OXNAD1: variants seen among roughly 807,000 people sequenced by gnomAD.
The protein encoded by OXNAD1 is oxidoreductase NAD binding domain containing 1, also known as oxidoreductase NAD-binding domain-containing protein 1.
Under a neutral mutation model 32.9 loss-of-function variants are expected in OXNAD1, and 34 were observed. That is an observed-to-expected ratio of 1.03 (90% CI 0.79 to 1.38). OXNAD1 has a LOEUF of 1.38. Among genes scored for constraint, OXNAD1 ranks in the 40% most tolerant of loss-of-function variants. The pLI is 0.00. For synonymous variants in OXNAD1, 134 were observed against 135.2 expected (o/e 0.99, Z 0.06); for missense variants, 407 against 379.4 (o/e 1.07, Z -0.60).
chr3:16,271,284 A>T lies in OXNAD1; in HGVS notation c.119+213A>T, dbSNP rs1000864825. Reference sequence around the variant, plus strand: ...AGTGGCACGATCTTAGCTCACTGCAACCTCCACCTCCTGGATTCAAGTGAT... The same window carrying T: ...AGTGGCACGATCTTAGCTCACTGCATCCTCCACCTCCTGGATTCAAGTGAT... On this transcript the variant is annotated intron_variant, in intron 3 of 8. Transcript: ENST00000285083. This position sits in a 1 kb window ranked among gnomAD's most constrained non-coding sequence, Gnocchi z 4.6. 6 of 578,484 alleles carry T rather than the reference A, an allele frequency of 1.0e-5. No homozygotes were observed. In the African/African-American group the frequency reaches 1.1e-4, roughly 11 times the overall value. The allele number at this position is 578,484 out of a possible 1,614,324, so 35.8% of individuals were successfully genotyped here.
chr3:16,299,146 T>G lies in OXNAD1; in HGVS notation c.433-2480T>G, dbSNP rs2067005970. 1.3e-5 allele frequency among the ~76,000 whole-genome samples: 2 copies of G among 152,224 alleles called. No individual in the cohort carries two copies. Among genetic ancestry groups the G allele is most frequent in the Non-Finnish European group, 2.9e-5 (2 of 68,036 alleles). On this transcript the variant is annotated intron_variant, in intron 6 of 8. Coordinates refer to ENST00000285083, the MANE Select transcript of OXNAD1 (RefSeq NM_138381.5). This position sits in a 1 kb window ranked among gnomAD's most constrained non-coding sequence, Gnocchi z 4.4. ...CTTTCTTTGTTGTCATTACTAAGCATGCCAAAGATGGCCACTGGAGAAAAT... is the reference window on the plus strand; with the variant it reads ...CTTTCTTTGTTGTCATTACTAAGCAGGCCAAAGATGGCCACTGGAGAAAAT...
chr3:16,266,639 A>G (rs987204500), intron 1 of OXNAD1, among the ~76,000 whole-genome samples: 3 of 151,452 alleles, frequency 2.0e-5, no homozygotes, highest in African/African-American at 7.3e-5. Flanking sequence ...AGTAGGTCAT[A>G]ATTGTATAAT....
In OXNAD1 at chr3:16,271,018, G is replaced by A. The variant is rs1267139626; in HGVS notation, c.66G>A (p.Glu22=). The change falls in exon 3 of 9, where the codon GAG becomes GAA. Residue 22 remains glutamate, a synonymous_variant. Transcript: ENST00000285083. This position sits in a 1 kb window ranked among gnomAD's most constrained non-coding sequence, Gnocchi z 4.6. ...GCTCTGTTGGAGCCATCCGTATTGA[G>A]GCTGCGTCACTGAGATTGACACTCA... ...LRCSVGAIRI[E]AASLRLTLST... is the part of the protein sequence containing the mutation. 6.2e-7 allele frequency: 1 copy of A among 1,614,188 alleles called. No homozygotes were observed. The highest frequency in any genetic ancestry group is 8.5e-7 in the Non-Finnish European group (1 of 1,180,028).
intron 9 of OXNAD1, among the ~76,000 whole-genome samples, chr3:16,343,523 G>A (rs2071447488): frequency 6.6e-6 from 1 of 152,068 alleles, no homozygotes; most frequent in African/African-American, 2.4e-5. Flanking sequence ...ACTTTCACCT[G>A]TACCCTAGAG....
chr3:16,310,081 A>C (rs1316966156), downstream of OXNAD1, among the ~76,000 whole-genome samples: 2 of 152,252 alleles, frequency 1.3e-5, no homozygotes, highest in African/African-American at 4.8e-5. Flanking sequence ...TTCTGGAGTC[A>C]GGGCTCAAGA....
downstream of OXNAD1, among the ~76,000 whole-genome samples, chr3:16,310,254 C>A (rs1386428519): frequency 2.0e-5 from 3 of 152,210 alleles, no homozygotes; most frequent in African/African-American, 4.8e-5. Context: ...GACCTAGAAA[C>A]TGGTAAGTTT....
At chr3:16,351,053 A>G, downstream of OXNAD1, among the ~76,000 whole-genome samples, 1 of 152,202 alleles carries the variant, frequency 6.6e-6, no homozygotes, top group Admixed American at 6.5e-5. This position sits in a 1 kb window ranked among gnomAD's most constrained non-coding sequence, Gnocchi z 5.4. Context: ...GTGAGACCTA[A>G]TGTGTTATTA....
rs563042027 is a variant in OXNAD1, at chr3:16,345,828, G to C, written c.*31-3348G>C. Among the ~76,000 whole-genome samples, 1 of 75,692 alleles carries C rather than the reference G, an allele frequency of 1.3e-5. No homozygotes were observed. Among genetic ancestry groups the C allele is most frequent in the Non-Finnish European group, 2.8e-5 (1 of 35,754 alleles). 49.7% of individuals were successfully genotyped at this position (75,692 alleles called of 152,430 possible). On this transcript the variant is annotated intron_variant, in intron 9 of 9. Coordinates refer to the OXNAD1 transcript ENST00000606098. This position sits in a 1 kb window ranked among gnomAD's most constrained non-coding sequence, Gnocchi z 5.2. ...TGTGTGTGTGTGTGTGCGCGCGCGCGTGCGCGCACGCGCACATGTGCATGT... is the reference window on the plus strand; with the variant it reads ...TGTGTGTGTGTGTGTGCGCGCGCGCCTGCGCGCACGCGCACATGTGCATGT...
downstream of OXNAD1, among the ~76,000 whole-genome samples, chr3:16,341,071 A>C (rs181580530): frequency 3.9e-5 from 6 of 152,388 alleles, no homozygotes; most frequent in East Asian, 1.2e-3. The surrounding 1 kb of genome is among the most constrained non-coding windows in gnomAD (Gnocchi z 4.7). Flanking sequence ...GCTCAACATC[A>C]TATGTCATTA....
At chr3:16,306,608 T>C (rs988335938), downstream of OXNAD1, among the ~76,000 whole-genome samples, 6 of 152,224 alleles carry the variant, frequency 3.9e-5, no homozygotes, top group Admixed American at 6.5e-5. Flanking sequence ...ACACTTTTTT[T>C]CCCCCATGAT....
Position 16,326,786 on chromosome 3 carries a change from C to T in OXNAD1, c.*31-10326C>T, listed in dbSNP as rs748372599. ...TGTTATTGTTACCTGGTAGTCTTGACGACGGGAGTTGGTAGCACACAGGTG... is the reference window on the plus strand; with the variant it reads ...TGTTATTGTTACCTGGTAGTCTTGATGACGGGAGTTGGTAGCACACAGGTG... On this transcript the variant is annotated intron_variant, in intron 9 of 9. Transcript: ENST00000435829. 47 of 1,613,698 alleles carry T rather than the reference C, an allele frequency of 2.9e-5. No homozygotes were observed. The highest frequency in any genetic ancestry group is 2.9e-4 in the South Asian group (26 of 91,076).
chr3:16,326,836 G>A lies in OXNAD1; in HGVS notation c.*31-10276G>A, dbSNP rs776367773. On this transcript the variant is annotated intron_variant, in intron 9 of 9. Coordinates refer to the OXNAD1 transcript ENST00000435829. ...GAGCTGCCAGCCATAGGCCGCCAGC[G>A]AGTTCAGCAGGGGCACGTAGTCTGT... is the stretch of plus-strand genomic sequence containing the variant. The A allele has an allele frequency of 2.4e-5, 39 of 1,614,036 alleles. No individual in the cohort carries two copies. In the East Asian group the frequency reaches 4.2e-4, roughly 18 times the overall value.
Position 16,297,639 on chromosome 3 carries a change from A to T in OXNAD1, c.432+2642A>T, listed in dbSNP as rs761208704. Among the ~76,000 whole-genome samples the T allele has an allele frequency of 3.3e-5, 5 of 152,236 alleles. No individual in the cohort carries two copies. Among genetic ancestry groups the T allele is most frequent in the Non-Finnish European group, 7.3e-5 (5 of 68,050 alleles). On this transcript the variant is annotated intron_variant, in intron 6 of 8. Transcript: ENST00000285083. This position sits in a 1 kb window ranked among gnomAD's most constrained non-coding sequence, Gnocchi z 4.3. ...TGAATGGATAACTTGTGATATAGTC[A>T]TACAAGGGACTATTAAAGAGATGAA...
In OXNAD1 at chr3:16,320,394, A is replaced by AT. The variant is rs1317434509; in HGVS notation, c.*31-16717dup. ...TTGCAGTTTCTTTTCTTAAGTTTTA[A>AT]TGCTAGACATACTATGTGTGTCCTC... On this transcript the variant is annotated intron_variant, in intron 9 of 9. Coordinates refer to the OXNAD1 transcript ENST00000435829. This position sits in a 1 kb window ranked among gnomAD's most constrained non-coding sequence, Gnocchi z 4.5. 6.6e-6 allele frequency among the ~76,000 whole-genome samples: 1 copy of AT among 152,202 alleles called. No individual in the cohort carries two copies. The highest frequency in any genetic ancestry group is 1.5e-5 in the Non-Finnish European group (1 of 68,044).
intron 4 of OXNAD1, among the ~76,000 whole-genome samples, chr3:16,273,096 A>G (rs2065069885): frequency 6.6e-6 from 1 of 152,196 alleles, no homozygotes; most frequent in Non-Finnish European, 1.5e-5. Context: ...ATAATTTGCT[A>G]GTCCCTGAAT....
intron 4 of OXNAD1, among the ~76,000 whole-genome samples, chr3:16,278,571 G>C (rs866130036): frequency 1.8e-4 from 28 of 152,270 alleles, no homozygotes; most frequent in African/African-American, 6.5e-4. Flanking sequence ...AAATTATTCT[G>C]TCTTGAATGA....
chr3:16,299,304 T>C lies in OXNAD1; in HGVS notation c.433-2322T>C, dbSNP rs540384814. 1.3e-5 allele frequency among the ~76,000 whole-genome samples: 2 copies of C among 152,340 alleles called. No individual in the cohort carries two copies. The highest frequency in any genetic ancestry group is 2.9e-5 in the Non-Finnish European group (2 of 68,022). ...TAGGCAGAGCCTCTTGTATCTTAAA[T>C]TCTATTTTTGAGACTTGAAAGGAAA... On this transcript the variant is annotated intron_variant, in intron 6 of 8. Transcript: ENST00000285083. This position sits in a 1 kb window ranked among gnomAD's most constrained non-coding sequence, Gnocchi z 4.4.
rs937515059 is a variant in OXNAD1, at chr3:16,298,663, G to A, written c.433-2963G>A. Among the ~76,000 whole-genome samples, 2 of 152,124 alleles carry A rather than the reference G, an allele frequency of 1.3e-5. No homozygotes were observed. The highest frequency in any genetic ancestry group is 2.4e-5 in the African/African-American group (1 of 41,416). On this transcript the variant is annotated intron_variant, in intron 6 of 8. Transcript: ENST00000285083. The surrounding 1 kb of genome is among the most constrained non-coding windows in gnomAD (Gnocchi z 5.1). ...TGTCTGGGTGGCAGCAGGCTGCACCGTTGAGACATGGAATAAAGTGCCATA... is the reference window on the plus strand; with the variant it reads ...TGTCTGGGTGGCAGCAGGCTGCACCATTGAGACATGGAATAAAGTGCCATA...
rs184292605 is a variant in OXNAD1 at position 16,344,503 on chromosome 3, C to T, written c.*31-4673C>T. Among the ~76,000 whole-genome samples the T allele has an allele frequency of 8.7e-4, 133 of 152,222 alleles. No individual in the cohort carries two copies. The highest frequency in any genetic ancestry group is 3.0e-3 in the African/African-American group (124 of 41,516). On this transcript the variant is annotated intron_variant, in intron 9 of 9. Coordinates refer to the OXNAD1 transcript ENST00000606098. The surrounding 1 kb of genome is among the most constrained non-coding windows in gnomAD (Gnocchi z 4.4). ...GACCTGCCCTGGCCTTCTTCCCCCT[C>T]GCCCAACTAGAATGCTTTATGTGGA...
Sources: gnomAD v4.1 joint callset for allele counts (sites outside exome capture counted in the v4.1 genomes callset) on GRCh38, gnomAD v4.1.1 for gene constraint, Gnocchi (gnomAD v3.1) non-coding constraint, MANE v1.5 for transcripts, NCBI Gene and HGNC (gene_info 2026-07-23, HGNC 2026-07-21) for gene names.